Variants in DMD observed in about 807,000 individuals in gnomAD.
The protein encoded by DMD is mutant dystrophin.
In DMD, 63 loss-of-function variants were observed where a neutral mutation model predicts 330.1. The ratio of observed to expected loss-of-function variants is 0.19; its 90% confidence interval spans 0.16 to 0.24. The LOEUF (loss-of-function observed/expected upper bound fraction) is 0.24. DMD is among the 10% of genes least tolerant of loss of function. The pLI is 1.00. For synonymous variants in DMD, 1,223 were observed against 959.8 expected (o/e 1.27, Z -5.07); for missense variants, 3,344 against 2,684.1 (o/e 1.25, Z -5.43).
intron 50 of DMD, among the ~76,000 whole-genome samples, chrX:31,780,024 T>C (rs1320487476): frequency 1.8e-5 from 2 of 111,657 alleles, no homozygotes; most frequent in African/African-American, 6.5e-5. Context: ...AAGGAACTCT[T>C]ATTTTTTTCA....
intron 52 of DMD, among the ~76,000 whole-genome samples, chrX:31,721,627 G>A (rs773597372): frequency 1.1e-5 from 1 of 92,758 alleles, no homozygotes; most frequent in Non-Finnish European, 2.1e-5. Context: ...CTGTATGTGT[G>A]TATATATATA....
At chrX:31,859,767 T>C (rs1389406398) in intron 48 of DMD, among the ~76,000 whole-genome samples, 1 of 112,702 alleles carries the variant, frequency 8.9e-6, no homozygotes, top group African/African-American at 3.2e-5. Flanking sequence ...AGAAGAATTG[T>C]GTTGTTTTAA....
chrX:32,883,843 A>G (rs1295099387), intron 2 of DMD, among the ~76,000 whole-genome samples: 81 of 104,912 alleles, frequency 7.7e-4, no homozygotes, highest in Admixed American at 7.4e-3. Context: ...AAAAAAAAAA[A>G]AAAAAAAAGA....
intron 53 of DMD, among the ~76,000 whole-genome samples, chrX:31,666,242 T>A (rs991063775): frequency 8.9e-5 from 10 of 111,861 alleles, no homozygotes; most frequent in African/African-American, 3.3e-4. Flanking sequence ...AGATTATACA[T>A]CGGCATTCCC....
intron 41 of DMD, among the ~76,000 whole-genome samples, chrX:32,325,828 G>T (rs2148687700): frequency 9.6e-6 from 1 of 103,755 alleles, no homozygotes; most frequent in South Asian, 4.4e-4. Flanking sequence ...TTTTGAGACG[G>T]AGTCTCGCTC....
At chrX:33,081,159 C>A (rs1390719032) in intron 1 of DMD, among the ~76,000 whole-genome samples, 1 of 111,800 alleles carries the variant, frequency 8.9e-6, no homozygotes, top group African/African-American at 3.3e-5. Context: ...CAGCTGAAGG[C>A]AAAGACAGAA....
At chrX:32,335,852 T>C (rs2097708351) in intron 41 of DMD, among the ~76,000 whole-genome samples, 1 of 105,958 alleles carries the variant, frequency 9.4e-6, no homozygotes, top group Non-Finnish European at 1.9e-5. Context: ...ATATAACATG[T>C]TATATTCAAC....
intron 13 of DMD, among the ~76,000 whole-genome samples, chrX:32,590,958 G>T (rs1199990752): frequency 9.0e-6 from 1 of 111,272 alleles, no homozygotes; most frequent in Non-Finnish European, 1.9e-5. Context: ...TCCATCCAGT[G>T]GGTTCTGTCC....
At chrX:31,313,507 G>T (rs768038036) in intron 62 of DMD, among the ~76,000 whole-genome samples, 47 of 112,060 alleles carry the variant, frequency 4.2e-4, no homozygotes, top group African/African-American at 1.5e-3. Context: ...AGATGATGAT[G>T]ATTATTTTAT....
chrX:32,628,449 A>T (rs533614732), intron 11 of DMD, among the ~76,000 whole-genome samples: 5 of 101,838 alleles, frequency 4.9e-5, no homozygotes, highest in South Asian at 4.5e-4. Context: ...ATTTTTGTCA[A>T]CCCTTTCAAA....
At chrX:32,348,339 T>G in intron 38 of DMD, 67 bp downstream of exon 38, 2 of 1,089,972 alleles carry the variant, frequency 1.8e-6, no homozygotes, top group Non-Finnish European at 2.5e-6. Flanking sequence ...TGGAGACTTA[T>G]CTAAGTTCTT....
At chrX:32,205,029 ACACACACACACACC>A (rs1272293802) in intron 44 of DMD, among the ~76,000 whole-genome samples, 1 of 84,324 alleles carries the variant, frequency 1.2e-5, no homozygotes, top group Non-Finnish European at 2.4e-5. Context: ...ACACACACAC[ACACACACACACACC>A]CACACACACA....
At chrX:31,325,621 A>G (rs1601878446) in intron 61 of DMD, among the ~76,000 whole-genome samples, 1 of 110,589 alleles carries the variant, frequency 9.0e-6, no homozygotes, top group East Asian at 2.9e-4. Context: ...ACTGAAAAAC[A>G]AACAAACAAA....
intron 9 of DMD, among the ~76,000 whole-genome samples, chrX:32,670,227 A>G (rs1322260664): frequency 1.3e-4 from 15 of 111,908 alleles, no homozygotes; most frequent in Non-Finnish European, 2.8e-4. Context: ...TGCATAAAGA[A>G]CCTGAGGACA....
rs398124010 is a variant in DMD at position 33,020,170 on chromosome X, A to G, written c.62T>C (p.Phe21Ser). The change falls in exon 2 of 79, where the codon TTC becomes TCC. Residue 21 changes from phenylalanine to serine, a missense_variant. Physicochemically the swap from Phe to Ser is radical, Grantham distance 155 (BLOSUM62 -2). Transcript: ENST00000357033. ...AAATTGTGCATTTACCCATTTTGTGAATGTTTTCTTTTGAACATCTTCTCT... is the reference window on the plus strand; with the variant it reads ...AAATTGTGCATTTACCCATTTTGTGGATGTTTTCTTTTGAACATCTTCTCT... ...YEREDVQKKT[F>S]TKWVNAQFSK... The G allele has an allele frequency of 8.4e-7, 1 of 1,191,805 alleles. No homozygotes were observed. The highest frequency in any genetic ancestry group is 1.1e-6 in the Non-Finnish European group (1 of 880,577).
intron 44 of DMD, among the ~76,000 whole-genome samples, chrX:32,166,815 C>T (rs973359878): frequency 3.6e-5 from 4 of 111,756 alleles, no homozygotes; most frequent in African/African-American, 1.3e-4. Context: ...CTTAAAAAAA[C>T]TGGGAAGGAA....
At chrX:33,031,313 A>C (rs1316359113) in intron 1 of DMD, among the ~76,000 whole-genome samples, 3 of 111,147 alleles carry the variant, frequency 2.7e-5, no homozygotes, top group East Asian at 2.9e-4. Context: ...AAAAAAAAAA[A>C]AAAACAATGG....
chrX:32,720,362 G>A (rs969615850), intron 7 of DMD, among the ~76,000 whole-genome samples: 10 of 111,495 alleles, frequency 9.0e-5, no homozygotes, highest in African/African-American at 3.3e-4. Context: ...ACATCTCATT[G>A]CTCTTCTTAG....
At chrX:33,192,201 T>C (rs1016989189) in intron 1 of DMD, among the ~76,000 whole-genome samples, 1 of 112,073 alleles carries the variant, frequency 8.9e-6, no homozygotes, top group Non-Finnish European at 1.9e-5. Flanking sequence ...TTTACCCTTT[T>C]GTGTAAAAGA....
Sources: allele counts gnomAD v4.1 joint callset (sites outside exome capture counted in the v4.1 genomes callset), GRCh38; gene constraint gnomAD v4.1.1; transcripts MANE v1.5; gene names NCBI Gene and HGNC (gene_info 2026-07-23, HGNC 2026-07-21).